LMF2: variants seen among roughly 807,000 people sequenced by gnomAD.
LMF2 encodes the protein lipase maturation factor 2, also known as transmembrane protein 112B.
In LMF2, 113 loss-of-function variants were observed where a neutral mutation model predicts 81.5. That is an observed-to-expected ratio of 1.39 (90% CI 1.19 to 1.62). The LOEUF (loss-of-function observed/expected upper bound fraction) is 1.62. Among genes scored for constraint, LMF2 ranks in the 40% most tolerant of loss-of-function variants. LMF2 has a pLI of 0.00. For missense variants in LMF2, 1,235 were observed against 929.1 expected (o/e 1.33, Z -4.28); for synonymous variants, 645 against 424.5 (o/e 1.52, Z -6.39).
rs1401800284 is a variant in LMF2 at position 50,506,217 on chromosome 22, C to T, written c.596-4G>A. 8 of 1,552,364 alleles carry T rather than the reference C, an allele frequency of 5.2e-6. No individual in the cohort carries two copies. Among genetic ancestry groups the T allele is most frequent in the Non-Finnish European group, 6.1e-6 (7 of 1,147,994 alleles). On this transcript the variant is annotated splice_region_variant and splice_polypyrimidine_tract_variant and intron_variant, in intron 4 of 13. Coordinates refer to ENST00000474879, the MANE Select transcript of LMF2 (RefSeq NM_033200.3). ...GTCTCGTAGTGGTAGGTGAGGGCTG[C>T]AGGCGAGGGCAGGAGTCAGGGCTGG... is the stretch of plus-strand genomic sequence containing the variant.
rs1240362248 is a variant in LMF2, at chr22:50,505,516, G to C, written c.938C>G (p.Ala313Gly). Reference sequence around the variant, plus strand: ...TAGTTCCAGCAGCAGCGACAGGGTGGCCAGCAGGGCCTTGGGCCAGGCTGT... The same window carrying C: ...TAGTTCCAGCAGCAGCGACAGGGTGCCCAGCAGGGCCTTGGGCCAGGCTGT... The part of the protein sequence containing the change: ...TATSWPKALL[A>G]TLSLLLELAV... The change falls in exon 7 of 14, where the codon GCC becomes GGC. Residue 313 changes from alanine (A) to glycine (G), a missense_variant. Coordinates refer to ENST00000474879, the MANE Select transcript of LMF2 (RefSeq NM_033200.3). The C allele has an allele frequency of 6.2e-7, 1 of 1,612,562 alleles. No individual in the cohort carries two copies.
At chr22:50,506,238 G>A in intron 4 of LMF2, 25 bp from the exon 5 acceptor site, 1 of 1,549,030 alleles carries the variant, frequency 6.5e-7, no homozygotes, top group Non-Finnish European at 8.7e-7. Flanking sequence ...AGGAGTCAGG[G>A]CTGGCCGAGC....
chr22:50,503,893 C>A lies in LMF2; in HGVS notation c.1730G>T (p.Arg577Leu), dbSNP rs138672971. The change falls in exon 13 of 14, where the codon CGG (arginine) becomes CTG (leucine). Residue 577 changes from arginine (R) to leucine (L), a missense_variant. Arg to Leu is a moderately radical substitution (Grantham distance 102, BLOSUM62 -2). Transcript: ENST00000474879. ...SQPGEQGQWW[R>L]RQWVEEFFPS... ...GAAGAACTCCTCCACCCACTGGCGC[C>A]GCCACCACTGGCTGCAGCAGGACCC... The A allele has an allele frequency of 3.1e-4, 491 of 1,604,900 alleles. No homozygotes were observed. The highest frequency in any genetic ancestry group is 3.9e-4 in the Non-Finnish European group (460 of 1,179,334).
rs572043953 is a variant in LMF2, at chr22:50,503,409, G to A, written c.2106C>T (p.Thr702=). The change falls in exon 14 of 14, where the codon ACC becomes ACT. Residue 702 remains threonine (T), a synonymous_variant. Transcript: ENST00000474879. ...AACACAGCTACTTCTTTCGCCGGGT[G>A]GTCCTCGAACTACTGGAGCAGGGGT... ...APNPCSSSSR[T]TRRKK 13 of 1,610,304 alleles carry A rather than the reference G, an allele frequency of 8.1e-6. No homozygotes were observed. The highest frequency in any genetic ancestry group is 6.8e-5 in the Admixed American group (4 of 59,224).
chr22:50,506,593 C>T (rs371091389), intron 3 of LMF2, 45 bp downstream of exon 3: 58 of 1,601,132 alleles, frequency 3.6e-5, no homozygotes, highest in Non-Finnish European at 3.7e-5. Flanking sequence ...CCCTCCCCCA[C>T]CCCCTACCCA....
chr22:50,506,582 G>C, intron 3 of LMF2, 56 bp downstream of exon 3: 2 of 1,596,756 alleles, frequency 1.3e-6, no homozygotes, highest in Non-Finnish European at 1.7e-6. Flanking sequence ...GAAGGGCAGA[G>C]CCCTCCCCCA....
chr22:50,503,283 TG>T lies in LMF2; in HGVS notation c.*107del. ...CAGGGGCAGCCCCCCAACCTGTGCC[TG>T]GCCCTGCAGGGTCAGCTAAGGCACA... is the stretch of plus-strand genomic sequence containing the variant. On this transcript the variant is annotated 3_prime_UTR_variant, in exon 14 of 14. Transcript: ENST00000474879. 8.1e-7 allele frequency: 1 copy of T among 1,229,402 alleles called. No individual in the cohort carries two copies. The highest frequency in any genetic ancestry group is 1.1e-6 in the Non-Finnish European group (1 of 884,616). The allele number at this position is 1,229,402 out of a possible 1,614,324, so 76.2% of individuals were successfully genotyped here. A position where few individuals can be genotyped will look rare whatever the true frequency, so the allele number is the denominator to read the frequency against.
chr22:50,506,072 G>C lies in LMF2; in HGVS notation c.737C>G (p.Pro246Arg), dbSNP rs2068555527. The C allele has an allele frequency of 3.1e-6, 5 of 1,592,186 alleles. No homozygotes were observed. In the South Asian group the frequency reaches 3.4e-5, roughly 11 times the overall value. The change falls in exon 5 of 14, where the codon CCC becomes CGC. Residue 246 changes from proline to arginine, a missense_variant. Pro to Arg is a moderately radical substitution (Grantham distance 103, BLOSUM62 -2). Transcript: ENST00000474879. ...AGCAGCCAAGCGCAGGCGTCGAATG[G>C]GGGCGAAGAACAGGGGCGGCACAGC... ...EIAVPPLFFA[P>R]IRRLRLAAFY...
rs748213276 is a variant in LMF2, at chr22:50,504,767, G to C, written c.1437+35C>G. Reference sequence around the variant, plus strand: ...GAGGTCAGCTGGGCCCGCTGACCTGGGCCCCACCACCCTGCCCGCCCTGGG... The same window carrying C: ...GAGGTCAGCTGGGCCCGCTGACCTGCGCCCCACCACCCTGCCCGCCCTGGG... On this transcript the variant is annotated intron_variant, in intron 10 of 13. Transcript: ENST00000474879. The C allele has an allele frequency of 6.2e-6, 10 of 1,605,196 alleles. No individual in the cohort carries two copies. The East Asian group carries it at 2.2e-4, about 36-fold the overall frequency.
Position 50,503,191 on chromosome 22 carries a change from C to T in LMF2, c.*200G>A, listed in dbSNP as rs959268030. 4 of 557,576 alleles carry T rather than the reference C, an allele frequency of 7.2e-6. No homozygotes were observed. Among genetic ancestry groups the T allele is most frequent in the Admixed American group, 7.3e-5 (2 of 27,262 alleles). 34.5% of individuals were successfully genotyped at this position (557,576 alleles called of 1,614,324 possible). On this transcript the variant is annotated 3_prime_UTR_variant, in exon 14 of 14. Transcript: ENST00000474879. ...CAATCACAGAGGCAATAGTGGGAGT[C>T]CTGGGGAGGGGCATGGCTGGCGTGG... is the stretch of plus-strand genomic sequence containing the variant.
At chr22:50,504,505 TCCCC>T in intron 11 of LMF2, 50 bp downstream of exon 11, 1 of 495,192 alleles carries the variant, frequency 2.0e-6, no homozygotes, top group Non-Finnish European at 3.0e-6. Context: ...GCCCCTCCCC[TCCCC>T]ACCCCGCTCC....
chr22:50,503,595 C>T lies in LMF2; in HGVS notation c.1920G>A (p.Trp640Ter), dbSNP rs1446242490. 6.4e-7 allele frequency: 1 copy of T among 1,555,094 alleles called. No homozygotes were observed. Among genetic ancestry groups the T allele is most frequent in the African/African-American group, 1.4e-5 (1 of 73,200 alleles). ...LSPLEAPALL[W>*]GLLMAVGAVR... ...CAGCCCCCACGGCCATGAGGAGCCC[C>T]CAGAGCAGGGCGGGGGCCTCCAGGG... The change falls in exon 14 of 14, where the codon TGG becomes TGA. Residue 640 changes from tryptophan to a stop codon, truncating the protein, a stop_gained. Transcript: ENST00000474879. LOFTEE classifies it low-confidence loss of function (END_TRUNC).
rs374413494 is a variant in LMF2, at chr22:50,506,057, C to T, written c.752G>A (p.Arg251His). The change falls in exon 5 of 14, where the codon CGC (arginine) becomes CAC (histidine). Residue 251 changes from arginine (R) to histidine (H), a missense_variant. By Grantham distance (29) the Arg-to-His change is conservative (BLOSUM62 0). Coordinates refer to ENST00000474879, the MANE Select transcript of LMF2 (RefSeq NM_033200.3). Reference sequence around the variant, plus strand: ...CACCTGCGAGTAGAAAGCAGCCAAGCGCAGGCGTCGAATGGGGGCGAAGAA... The same window carrying T: ...CACCTGCGAGTAGAAAGCAGCCAAGTGCAGGCGTCGAATGGGGGCGAAGAA... ...PLFFAPIRRLRLAAFYSQVLL... is the reference protein window; with the variant it reads ...PLFFAPIRRLHLAAFYSQVLL... The T allele has an allele frequency of 1.9e-5, 30 of 1,590,026 alleles. No individual in the cohort carries two copies. The African/African-American group carries it at 2.9e-4, about 16-fold the overall frequency.
intron 5 of LMF2, 76 bp downstream of exon 5, chr22:50,505,959 C>A (rs12169415): frequency 1.0e-5 from 16 of 1,560,580 alleles, no homozygotes; most frequent in Non-Finnish European, 1.4e-5. Flanking sequence ...CCACGCTGTC[C>A]CCAACAGGGC....
chr22:50,507,471 A>C, intron 1 of LMF2, 111 bp downstream of exon 1: 1 of 858,930 alleles, frequency 1.2e-6, no homozygotes, highest in Middle Eastern at 2.6e-4. Context: ...ACCCCACGCC[A>C]AGGCCTGGCC....
chr22:50,504,495 G>GCCCCT lies in LMF2; in HGVS notation c.1607-49_1607-45dup, dbSNP rs763738636. ...GCGTGGCCCCCACAGTACCCGCCCT[G>GCCCCT]CCCCTCCCCTCCCCACCCCGCTCCA... On this transcript the variant is annotated intron_variant, in intron 11 of 13. Coordinates refer to ENST00000474879, the MANE Select transcript of LMF2 (RefSeq NM_033200.3). 339 of 1,339,810 alleles carry GCCCCT rather than the reference G, an allele frequency of 2.5e-4. No homozygotes were observed. In the South Asian group the frequency reaches 3.8e-3, roughly 15 times the overall value. The allele number at this position is 1,339,810 out of a possible 1,614,324, so 83.0% of individuals were successfully genotyped here.
chr22:50,504,543 C>T lies in LMF2; in HGVS notation c.1606+16G>A, dbSNP rs771598221. 3.9e-6 allele frequency: 6 copies of T among 1,557,810 alleles called. No homozygotes were observed. Among genetic ancestry groups the T allele is most frequent in the Non-Finnish European group, 4.3e-6 (5 of 1,155,402 alleles). Reference sequence around the variant, plus strand: ...CCACCCCAGCCCACTCCACACCCCCCAAGCCCGCTCCGCACCTGGCTCCTT... The same window carrying T: ...CCACCCCAGCCCACTCCACACCCCCTAAGCCCGCTCCGCACCTGGCTCCTT... On this transcript the variant is annotated intron_variant, in intron 11 of 13. Coordinates refer to ENST00000474879, the MANE Select transcript of LMF2 (RefSeq NM_033200.3).
At chr22:50,507,449 C>A in intron 1 of LMF2, 133 bp downstream of exon 1, 1 of 749,736 alleles carries the variant, frequency 1.3e-6, no homozygotes, top group Non-Finnish European at 2.3e-6. Flanking sequence ...AGGACACGAA[C>A]CGCCGCCCCC....
rs745861119 is a variant in LMF2, at chr22:50,507,613, A to C, written c.63T>G (p.Phe21Leu). 2.6e-6 allele frequency: 4 copies of C among 1,562,862 alleles called. No homozygotes were observed. The South Asian group carries it at 4.7e-5, about 18-fold the overall frequency. Residue 21 changes from phenylalanine to leucine, a missense_variant, in exon 1 of 14, where the codon TTT becomes TTG. By Grantham distance (22) the Phe-to-Leu change is conservative. Transcript: ENST00000474879. ...TTTGCGTGTAGAGGGAAGCGAAAGCAAACATGAAGACGGCCGCCACGCCCT... is the reference window on the plus strand; with the variant it reads ...TTTGCGTGTAGAGGGAAGCGAAAGCCAACATGAAGACGGCCGCCACGCCCT... ...FLQGVAAVFMFAFASLYTQIP... is the reference protein window; with the variant it reads ...FLQGVAAVFMLAFASLYTQIP...
Sources: gnomAD v4.1 joint callset for allele counts on GRCh38, gnomAD v4.1.1 for gene constraint, MANE v1.5 for transcripts, NCBI Gene and HGNC (gene_info 2026-07-23, HGNC 2026-07-21) for gene names.